LGSN: variants seen among roughly 807,000 people sequenced by gnomAD.
LGSN encodes lengsin.
In LGSN, 21 loss-of-function variants were observed where a neutral mutation model predicts 19.5. The ratio of observed to expected loss-of-function variants is 1.07; its 90% CI spans 0.76 to 1.55. The LOEUF is 1.55. LGSN is among the 40% of genes most tolerant of loss of function. The pLI is 0.00. For missense variants in LGSN, 673 were observed against 608.5 expected (o/e 1.11, Z -1.12); for synonymous variants, 257 against 215.6 (o/e 1.19, Z -1.68).
At chr6:63,334,233 C>CA in the LGSN span, among the ~76,000 whole-genome samples, 15 of 151,782 alleles carry the variant, frequency 9.9e-5, no homozygotes, top group South Asian at 4.2e-4. Context: ...TAAAAGACTA[C>CA]AAAAAAAATT....
the LGSN span, among the ~76,000 whole-genome samples, chr6:63,376,759 C>A: frequency 6.6e-6 from 1 of 152,186 alleles, no homozygotes; most frequent in African/African-American, 2.4e-5. Context: ...TAAAACTCAT[C>A]TACTTTCAGA....
At chr6:63,287,923 G>T (rs1485941676) in intron 2 of LGSN, among the ~76,000 whole-genome samples, 4 of 152,008 alleles carry the variant, frequency 2.6e-5, no homozygotes, top group African/African-American at 9.7e-5. Flanking sequence ...TTTAAAATAA[G>T]AATAATATTT....
the LGSN span, among the ~76,000 whole-genome samples, chr6:63,346,454 G>A: frequency 4.6e-4 from 70 of 152,050 alleles, 1 homozygote; most frequent in Non-Finnish European, 8.4e-4. Flanking sequence ...TGGAGAGGAC[G>A]TGGAAACTCT....
Position 63,281,229 on chromosome 6 carries a change from G to A in LGSN, c.331-9C>T. ...CCATGGCTCACTTTCTCCTAAAGAAGGAAAAAAATGAAGAAATTAGGTTTT... is the reference window on the plus strand; with the variant it reads ...CCATGGCTCACTTTCTCCTAAAGAAAGAAAAAAATGAAGAAATTAGGTTTT... On this transcript the variant is annotated splice_polypyrimidine_tract_variant and intron_variant, in intron 3 of 3. Transcript: ENST00000370657. 2.8e-6 allele frequency: 4 copies of A among 1,437,204 alleles called. No homozygotes were observed. The highest frequency in any genetic ancestry group is 1.7e-5 in the South Asian group (1 of 57,836). The allele number at this position is 1,437,204 out of a possible 1,614,324, so 89.0% of individuals were successfully genotyped here.
At chr6:63,348,490 C>G in the LGSN span, among the ~76,000 whole-genome samples, 1 of 151,944 alleles carries the variant, frequency 6.6e-6, no homozygotes, top group Admixed American at 6.6e-5. Context: ...TGTAATTAAG[C>G]ATTCACAATG....
At chr6:63,526,569 G>T in the LGSN span, among the ~76,000 whole-genome samples, 1 of 151,620 alleles carries the variant, frequency 6.6e-6, no homozygotes, top group African/African-American at 2.4e-5. Flanking sequence ...CAGTACTTTG[G>T]GAGACCGAGG....
the LGSN span, among the ~76,000 whole-genome samples, chr6:63,457,008 CAA>C: frequency 6.6e-6 from 1 of 152,160 alleles, no homozygotes; most frequent in Non-Finnish European, 1.5e-5. Flanking sequence ...CAACCTTATT[CAA>C]AAGTCAAAAT....
At chr6:63,432,101 G>C in the LGSN span, among the ~76,000 whole-genome samples, 1 of 48,256 alleles carries the variant, frequency 2.1e-5, no homozygotes, top group African/African-American at 8.4e-5. Context: ...AAGAAAGAAA[G>C]AAAGAAAGAA....
At chr6:63,458,064 A>ATTTTTT in the LGSN span, among the ~76,000 whole-genome samples, 2 of 114,450 alleles carry the variant, frequency 1.7e-5, no homozygotes, top group Non-Finnish European at 4.1e-5. Context: ...TTTTATTTTT[A>ATTTTTT]TTTATTTATT....
At chr6:63,378,040 A>G in the LGSN span, among the ~76,000 whole-genome samples, 2 of 151,530 alleles carry the variant, frequency 1.3e-5, no homozygotes, top group South Asian at 4.1e-4. Context: ...TTTTGAAAAA[A>G]AAAAAAAAAA....
the LGSN span, among the ~76,000 whole-genome samples, chr6:63,391,909 G>C: frequency 2.0e-5 from 3 of 152,284 alleles, no homozygotes; most frequent in South Asian, 6.2e-4. Context: ...TTGACGCACA[G>C]AGCAACTTGG....
At chr6:63,407,841 C>G in the LGSN span, among the ~76,000 whole-genome samples, 9 of 152,280 alleles carry the variant, frequency 5.9e-5, no homozygotes, top group East Asian at 1.5e-3. Flanking sequence ...TCTCAGGATA[C>G]AAAATCAATG....
At chr6:63,533,760 T>C in the LGSN span, among the ~76,000 whole-genome samples, 2 of 152,076 alleles carry the variant, frequency 1.3e-5, no homozygotes, top group Non-Finnish European at 2.9e-5. Context: ...TTGAGAAATG[T>C]ATGGGGAAGT....
the LGSN span, among the ~76,000 whole-genome samples, chr6:63,352,669 T>TCACA: frequency 1.3e-5 from 2 of 150,566 alleles, no homozygotes; most frequent in Admixed American, 6.6e-5. Flanking sequence ...TCTCTCTCTC[T>TCACA]CACACACACA....
intron 1 of LGSN, among the ~76,000 whole-genome samples, chr6:63,302,493 G>A (rs1342572687): frequency 2.6e-5 from 4 of 152,094 alleles, no homozygotes; most frequent in Non-Finnish European, 4.4e-5. Context: ...ACATTTGGAC[G>A]GGATAGGAAT....
the LGSN span, among the ~76,000 whole-genome samples, chr6:63,336,227 A>G: frequency 6.6e-6 from 1 of 152,242 alleles, no homozygotes; most frequent in Non-Finnish European, 1.5e-5. Flanking sequence ...TTAAAGAGCT[A>G]GAAGAGAGGA....
At chr6:63,401,243 A>G in the LGSN span, among the ~76,000 whole-genome samples, 1 of 150,640 alleles carries the variant, frequency 6.6e-6, no homozygotes, top group South Asian at 2.1e-4. Context: ...AAATTAAAAA[A>G]AAAAAAATTA....
At chr6:63,473,472 TAAAAAAAAAAAA>T in the LGSN span, among the ~76,000 whole-genome samples, 1 of 59,368 alleles carries the variant, frequency 1.7e-5, no homozygotes, top group Non-Finnish European at 2.9e-5. Flanking sequence ...ACACTCTGTC[TAAAAAAAAAAAA>T]AAAAAAAAAA....
intron 3 of LGSN, among the ~76,000 whole-genome samples, chr6:63,283,047 C>G (rs1767379457): frequency 6.6e-6 from 1 of 152,112 alleles, no homozygotes; most frequent in Non-Finnish European, 1.5e-5. Flanking sequence ...TAGAGAACAG[C>G]TGGTTGCCAT....
Sources: allele counts gnomAD v4.1 joint callset (sites outside exome capture counted in the v4.1 genomes callset), GRCh38; gene constraint gnomAD v4.1.1; transcripts MANE v1.5; gene names NCBI Gene and HGNC (gene_info 2026-07-23, HGNC 2026-07-21).